The following TRPC4 variants were observed in gnomAD, a reference collection of about 807,000 sequenced individuals.
TRPC4 encodes transient receptor potential cation channel subfamily C member 4.
TRPC4 carries 49 observed loss-of-function variants against 99.4 expected under a neutral mutation model. The ratio of observed to expected loss-of-function variants is 0.49; its 90% CI spans 0.39 to 0.63. The LOEUF (loss-of-function observed/expected upper bound fraction) is 0.63. Among genes scored for constraint, TRPC4 ranks in the 20% least tolerant of loss-of-function variants. The pLI is 0.00. For synonymous variants in TRPC4, 454 were observed against 425.9 expected (o/e 1.07, Z -0.81); for missense variants, 898 against 1,152.9 (o/e 0.78, Z 3.20).
intron 2 of TRPC4, among the ~76,000 whole-genome samples, chr13:37,766,609 A>C (rs954592499): frequency 6.6e-5 from 10 of 151,480 alleles, no homozygotes; most frequent in Non-Finnish European, 1.2e-4. Flanking sequence ...GGAATAGCAA[A>C]GTCAGAGATA....
intron 1 of TRPC4, among the ~76,000 whole-genome samples, chr13:37,839,310 T>C (rs1958664065): frequency 6.6e-6 from 1 of 152,170 alleles, no homozygotes; most frequent in Non-Finnish European, 1.5e-5. Flanking sequence ...GTAAAGGTGA[T>C]GAGTTCCTGG....
chr13:37,691,187 C>T (rs1334956274), intron 4 of TRPC4, among the ~76,000 whole-genome samples: 2 of 152,142 alleles, frequency 1.3e-5, no homozygotes, highest in Admixed American at 6.5e-5. Flanking sequence ...CTGCAAGCTC[C>T]GCCTCCCGGG....
At chr13:37,765,691 T>G (rs1053392084) in intron 2 of TRPC4, among the ~76,000 whole-genome samples, 2 of 151,470 alleles carry the variant, frequency 1.3e-5, no homozygotes, top group Non-Finnish European at 3.0e-5. Context: ...ATTGCTAAAT[T>G]GCTTTCCAAA....
chr13:37,828,054 C>G (rs1958299880), intron 1 of TRPC4, among the ~76,000 whole-genome samples: 2 of 152,210 alleles, frequency 1.3e-5, no homozygotes, highest in Non-Finnish European at 1.5e-5. Flanking sequence ...GTCCGTCACC[C>G]CTTTCTTTGA....
chr13:37,739,199 C>T (rs1208949898), intron 3 of TRPC4, among the ~76,000 whole-genome samples: 1 of 152,010 alleles, frequency 6.6e-6, no homozygotes, highest in Non-Finnish European at 1.5e-5. Flanking sequence ...GAAGGTTTTT[C>T]AGAGAAAGTG....
rs116614471 is a variant in TRPC4, at chr13:37,815,655, C to T, written c.-27-32295G>A. Among the ~76,000 whole-genome samples the T allele has an allele frequency of 3.7e-3, 569 of 151,986 alleles. 4 individuals carry two copies. Among genetic ancestry groups the T allele is most frequent in the African/African-American group, 0.013 (541 of 41,486 alleles). On this transcript the variant is annotated intron_variant, in intron 1 of 10. Coordinates refer to ENST00000379705, the MANE Select transcript of TRPC4 (RefSeq NM_016179.4). Reference sequence around the variant, plus strand: ...ACCTACAAAGAGACTTAGATAACCACGCAATAAAAGTGGAAGACTTCAAGA... The same window carrying T: ...ACCTACAAAGAGACTTAGATAACCATGCAATAAAAGTGGAAGACTTCAAGA...
chr13:37,658,123 A>T (rs1324363247), intron 6 of TRPC4, among the ~76,000 whole-genome samples: 1 of 152,192 alleles, frequency 6.6e-6, no homozygotes, highest in Non-Finnish European at 1.5e-5. Flanking sequence ...ACATTGAAGG[A>T]TCATTACTTA....
intron 2 of TRPC4, among the ~76,000 whole-genome samples, chr13:37,767,695 T>C (rs1472696149): frequency 6.6e-6 from 1 of 151,420 alleles, no homozygotes; most frequent in Non-Finnish European, 1.5e-5. Context: ...GTAAGACCTT[T>C]GATGTTTGAC....
intron 1 of TRPC4, among the ~76,000 whole-genome samples, chr13:37,809,443 C>T (rs1290661005): frequency 7.0e-6 from 1 of 143,460 alleles, no homozygotes; most frequent in African/African-American, 2.6e-5. Flanking sequence ...AGGCTTCCTT[C>T]ATAACAAAGT....
intron 7 of TRPC4, among the ~76,000 whole-genome samples, chr13:37,654,739 G>A (rs1258314681): frequency 6.6e-6 from 1 of 152,062 alleles, no homozygotes; most frequent in African/African-American, 2.4e-5. Context: ...ATATGAGAGT[G>A]GTAGGTTAAA....
chr13:37,691,974 A>G (rs1196127934), intron 4 of TRPC4, 25 bp downstream of exon 4: 2 of 1,573,796 alleles, frequency 1.3e-6, no homozygotes, highest in African/African-American at 1.4e-5. Context: ...TGTTTTTATT[A>G]TATTTTCTAT....
chr13:37,662,322 T>A (rs1311503024), intron 6 of TRPC4, among the ~76,000 whole-genome samples: 1 of 128,672 alleles, frequency 7.8e-6, no homozygotes, highest in East Asian at 2.0e-4. Context: ...AAAAAAAAAA[T>A]TATGTTTTCT....
chr13:37,638,482 A>G (rs1213312959), intron 10 of TRPC4, among the ~76,000 whole-genome samples: 1 of 152,074 alleles, frequency 6.6e-6, no homozygotes, highest in Non-Finnish European at 1.5e-5. Flanking sequence ...GTAAGATCTT[A>G]TTGACCTTAA....
At chr13:37,831,678 A>G (rs1294229847) in intron 1 of TRPC4, among the ~76,000 whole-genome samples, 1 of 152,232 alleles carries the variant, frequency 6.6e-6, no homozygotes, top group Non-Finnish European at 1.5e-5. Flanking sequence ...TGCTGTATAC[A>G]TACACAATAG....
chr13:37,642,602 A>C (rs1951749375), intron 8 of TRPC4, among the ~76,000 whole-genome samples: 1 of 152,140 alleles, frequency 6.6e-6, no homozygotes, highest in Non-Finnish European at 1.5e-5. Context: ...ATATTGGGAA[A>C]GCTGGTTGTC....
chr13:37,803,586 T>C (rs1205735259), intron 1 of TRPC4, among the ~76,000 whole-genome samples: 1 of 152,136 alleles, frequency 6.6e-6, no homozygotes, highest in Non-Finnish European at 1.5e-5. Context: ...TCAGACACTG[T>C]AGTATACTGA....
intron 1 of TRPC4, among the ~76,000 whole-genome samples, chr13:37,825,821 G>T (rs1243814940): frequency 6.6e-6 from 1 of 151,798 alleles, no homozygotes; most frequent in African/African-American, 2.4e-5. Context: ...TAATTCCTGG[G>T]TATCCTTGTT....
intron 3 of TRPC4, among the ~76,000 whole-genome samples, chr13:37,739,688 T>G (rs1213297261): frequency 6.6e-6 from 1 of 151,862 alleles, no homozygotes; most frequent in Non-Finnish European, 1.5e-5. Context: ...GTATTTTTAG[T>G]AGAGACAGGG....
At chr13:37,682,259 C>G (rs1434821114) in intron 4 of TRPC4, among the ~76,000 whole-genome samples, 1 of 152,148 alleles carries the variant, frequency 6.6e-6, no homozygotes, top group Non-Finnish European at 1.5e-5. Flanking sequence ...AGTCTCTTCA[C>G]AGAACACTGA....
Sources: allele counts gnomAD v4.1 joint callset (sites outside exome capture counted in the v4.1 genomes callset), GRCh38; gene constraint gnomAD v4.1.1; transcripts MANE v1.5; gene names NCBI Gene and HGNC (gene_info 2026-07-23, HGNC 2026-07-21).